The following IL1RAPL1 variants were observed in gnomAD, a reference collection of about 807,000 sequenced individuals.
IL1RAPL1 encodes the protein interleukin 1 receptor accessory protein like 1.
A neutral mutation model predicts 48.4 loss-of-function variants in IL1RAPL1; 3 were observed. The ratio of observed to expected loss-of-function variants is 0.06; its 90% confidence interval spans 0.03 to 0.16. IL1RAPL1 has a LOEUF of 0.16. Among genes scored for constraint, IL1RAPL1 ranks in the 10% least tolerant of loss-of-function variants. IL1RAPL1 has a pLI of 1.00. For missense variants in IL1RAPL1, 349 were observed against 530.6 expected, an observed-to-expected ratio of 0.66 and a Z score of 3.36; for synonymous variants, 185 against 187.7, an observed-to-expected ratio of 0.99 and a Z score of 0.12.
intron 6 of IL1RAPL1, among the ~76,000 whole-genome samples, chrX:29,914,487 G>A (rs944486178): frequency 1.8e-5 from 2 of 110,962 alleles, no homozygotes; most frequent in African/African-American, 6.6e-5. Flanking sequence ...TTCTATTTAT[G>A]AGTTCCAGGC....
chrX:29,686,091 C>T (rs1014344942), intron 6 of IL1RAPL1, among the ~76,000 whole-genome samples: 3 of 111,211 alleles, frequency 2.7e-5, no homozygotes, highest in Non-Finnish European at 3.8e-5. Context: ...TTTAATTGCA[C>T]GATAGCATAA....
Position 29,399,304 on chromosome X carries a change from T to C in IL1RAPL1, c.699T>C (p.Val233=), listed in dbSNP as rs768833006. The change falls in exon 5 of 11, where the codon GTT becomes GTC. Residue 233 remains valine, a synonymous_variant. Transcript: ENST00000378993. ...FVVRRTTELT[V]TAPLTDKPPK... ...TGAGAAGAACTACTGAATTAACTGT[T>C]ACAGGTAATCACAGTCTTCAATATT... 5 of 1,198,295 alleles carry C rather than the reference T, an allele frequency of 4.2e-6. No individual in the cohort carries two copies. The highest frequency in any genetic ancestry group is 2.2e-5 in the Admixed American group (1 of 45,681).
At chrX:29,919,523 G>T (rs1323376919) in intron 7 of IL1RAPL1, among the ~76,000 whole-genome samples, 1 of 112,490 alleles carries the variant, frequency 8.9e-6, no homozygotes, top group African/African-American at 3.2e-5. Flanking sequence ...CATTTCAACT[G>T]AAATGTCAAA....
intron 6 of IL1RAPL1, among the ~76,000 whole-genome samples, chrX:29,747,712 T>C (rs1490600933): frequency 8.9e-6 from 1 of 112,783 alleles, no homozygotes; most frequent in Admixed American, 9.4e-5. Context: ...TCACCTCTAA[T>C]TGTAAAAAGA....
chrX:29,441,436 A>C (rs956839655), intron 5 of IL1RAPL1, among the ~76,000 whole-genome samples: 1 of 112,118 alleles, frequency 8.9e-6, no homozygotes, highest in African/African-American at 3.2e-5. Context: ...GTTCCACATG[A>C]ATGTAACCAT....
intron 6 of IL1RAPL1, among the ~76,000 whole-genome samples, chrX:29,711,179 T>C (rs1038291389): frequency 4.0e-5 from 4 of 99,630 alleles, no homozygotes; most frequent in African/African-American, 1.2e-4. Context: ...AGGTCCTTTT[T>C]TTTTCTTTTC....
At chrX:28,846,744 C>G (rs980897753) in intron 2 of IL1RAPL1, among the ~76,000 whole-genome samples, 23 of 111,869 alleles carry the variant, frequency 2.1e-4, no homozygotes, top group Admixed American at 3.8e-4. Flanking sequence ...TAAACTTACT[C>G]TGCAATATTT....
intron 1 of IL1RAPL1, among the ~76,000 whole-genome samples, chrX:28,773,827 ATCTG>A (rs1421286635): frequency 2.7e-5 from 3 of 112,053 alleles, no homozygotes; most frequent in African/African-American, 9.7e-5. Flanking sequence ...TCACAGAAAT[ATCTG>A]TCTAAAAGTT....
chrX:29,191,966 T>C (rs1326252154), intron 2 of IL1RAPL1, among the ~76,000 whole-genome samples: 1 of 111,530 alleles, frequency 9.0e-6, no homozygotes, highest in Non-Finnish European at 1.9e-5. Flanking sequence ...TCCAACAAAA[T>C]TTGAGACCAA....
intron 1 of IL1RAPL1, among the ~76,000 whole-genome samples, chrX:28,721,052 C>T (rs147793566): frequency 2.5e-3 from 285 of 112,219 alleles, no homozygotes; most frequent in African/African-American, 8.9e-3. Flanking sequence ...TCACAATAAA[C>T]ATACGTGTGC....
At chrX:28,651,871 G>A (rs1456823511) in intron 1 of IL1RAPL1, among the ~76,000 whole-genome samples, 1 of 111,473 alleles carries the variant, frequency 9.0e-6, no homozygotes, top group Admixed American at 9.6e-5. Context: ...AGCTTGAGAT[G>A]CCATCTAATC....
At chrX:29,232,573 A>G (rs989157744) in intron 2 of IL1RAPL1, among the ~76,000 whole-genome samples, 1 of 111,796 alleles carries the variant, frequency 8.9e-6, no homozygotes, top group Non-Finnish European at 1.9e-5. Context: ...TTACATTTAC[A>G]ATCATCTGAC....
chrX:29,181,150 C>T (rs1313698606), intron 2 of IL1RAPL1, among the ~76,000 whole-genome samples: 1 of 111,447 alleles, frequency 9.0e-6, no homozygotes, highest in Admixed American at 9.6e-5. Flanking sequence ...GTTTACCTGG[C>T]CTCTTTTAGT....
intron 2 of IL1RAPL1, among the ~76,000 whole-genome samples, chrX:29,026,670 ATATTT>A (rs1926492350): frequency 1.8e-5 from 2 of 112,286 alleles, no homozygotes; most frequent in South Asian, 7.3e-4. Flanking sequence ...TCATATATGA[ATATTT>A]TATTTATCAC....
chrX:28,759,238 CA>C (rs34245672), intron 1 of IL1RAPL1, among the ~76,000 whole-genome samples: 49 of 98,591 alleles, frequency 5.0e-4, no homozygotes, highest in African/African-American at 1.0e-3. Context: ...AACTCCATCT[CA>C]AAAAAAAAAA....
At chrX:29,495,291 C>T (rs1204609520) in intron 5 of IL1RAPL1, among the ~76,000 whole-genome samples, 4 of 111,790 alleles carry the variant, frequency 3.6e-5, no homozygotes, top group Non-Finnish European at 5.6e-5. Flanking sequence ...ATTATATTTA[C>T]ATTTAGGATG....
At chrX:29,825,805 CCTT>C (rs1455528109) in intron 6 of IL1RAPL1, among the ~76,000 whole-genome samples, 1 of 111,613 alleles carries the variant, frequency 9.0e-6, no homozygotes, top group Admixed American at 9.5e-5. Context: ...AAACTATTAT[CCTT>C]CTTAAGATTT....
At chrX:29,312,157 C>T (rs755704652) in intron 3 of IL1RAPL1, among the ~76,000 whole-genome samples, 12 of 111,484 alleles carry the variant, frequency 1.1e-4, no homozygotes, top group African/African-American at 2.0e-4. Flanking sequence ...AAGAGGTCCC[C>T]GGCCAGGCGT....
At chrX:29,652,801 T>C (rs1001955243) in intron 5 of IL1RAPL1, among the ~76,000 whole-genome samples, 2 of 111,874 alleles carry the variant, frequency 1.8e-5, no homozygotes, top group Non-Finnish European at 3.8e-5. Context: ...TCAGTTATCT[T>C]GGAGACCTAT....
Sources: allele counts gnomAD v4.1 joint callset (sites outside exome capture counted in the v4.1 genomes callset), GRCh38; gene constraint gnomAD v4.1.1; transcripts MANE v1.5; gene names NCBI Gene and HGNC (gene_info 2026-07-23, HGNC 2026-07-21).